The following KCNG3 variants were observed in gnomAD, a reference collection of about 807,000 sequenced individuals.
KCNG3 encodes potassium voltage-gated channel modifier subfamily G member 3.
A neutral mutation model predicts 29.0 loss-of-function variants in KCNG3; 15 were observed. That is an observed-to-expected ratio of 0.52 (90% CI 0.35 to 0.80). The LOEUF (loss-of-function observed/expected upper bound fraction) is 0.80. Ranked by LOEUF, KCNG3 falls within the 30% of genes least tolerant of loss-of-function variation. KCNG3 has a pLI of 0.01. For missense variants in KCNG3, 512 were observed against 605.7 expected (o/e 0.85, Z 1.62); for synonymous variants, 322 against 248.9 (o/e 1.29, Z -2.76).
At chr2:42,402,032 G>C in the KCNG3 span, among the ~76,000 whole-genome samples, 1,022 of 152,324 alleles carry the variant, frequency 6.7e-3, 35 homozygotes, top group East Asian at 0.066. Context: ...GGTGTTTATG[G>C]AGGTATTCGT....
At chr2:42,475,349 A>C in intron 1 of KCNG3, among the ~76,000 whole-genome samples, 1 of 138,570 alleles carries the variant, frequency 7.2e-6, no homozygotes, top group Non-Finnish European at 1.5e-5. Context: ...TTTTTGAGAT[A>C]GAGTCTCGCT....
At chr2:42,460,969 G>C (rs1673000752) in intron 1 of KCNG3, among the ~76,000 whole-genome samples, 1 of 151,978 alleles carries the variant, frequency 6.6e-6, no homozygotes, top group Admixed American at 6.6e-5. Context: ...AGACCACCCT[G>C]GCTAACGTGG....
rs1353656527 is a variant in KCNG3, at chr2:42,444,306, A to C, written c.939T>G (p.Gly313=). ...ARHFIGLQTL[G]LTLKRCYREM... is the part of the protein sequence containing the mutation. ...CTCGGTAGCAACGTTTGAGAGTCAA[A>C]CCGAGTGTCTGAAGACCAATGAAGT... is the stretch of plus-strand genomic sequence containing the variant. Residue 313 remains glycine (G), a synonymous_variant, in exon 2 of 2, where the codon GGT becomes GGG. Transcript: ENST00000306078. This position sits in a 1 kb window ranked among gnomAD's most constrained non-coding sequence, Gnocchi z 5.8. 6.2e-7 allele frequency: 1 copy of C among 1,614,202 alleles called. No homozygotes were observed. Among genetic ancestry groups the C allele is most frequent in the South Asian group, 1.1e-5 (1 of 91,078 alleles).
At chr2:42,485,383 A>T (rs965925435) in intron 1 of KCNG3, among the ~76,000 whole-genome samples, 1 of 152,146 alleles carries the variant, frequency 6.6e-6, no homozygotes, top group African/African-American at 2.4e-5. Flanking sequence ...AAAAAACAAA[A>T]GGGGACACTA....
At chr2:42,405,957 G>C in the KCNG3 span, among the ~76,000 whole-genome samples, 2 of 151,022 alleles carry the variant, frequency 1.3e-5, no homozygotes, top group Non-Finnish European at 3.0e-5. Context: ...TGGCCAGGCT[G>C]GTCTTGAACT....
At chr2:42,398,476 G>A in the KCNG3 span, among the ~76,000 whole-genome samples, 3 of 152,094 alleles carry the variant, frequency 2.0e-5, no homozygotes, top group Non-Finnish European at 4.4e-5. Context: ...TGAGTTTTGA[G>A]ACATACGCAT....
At chr2:42,403,900 G>A in the KCNG3 span, among the ~76,000 whole-genome samples, 6 of 152,146 alleles carry the variant, frequency 3.9e-5, no homozygotes, top group East Asian at 5.8e-4. Context: ...CCTGGCCCTA[G>A]CTGCATTTAT....
At chr2:42,407,015 G>A in the KCNG3 span, among the ~76,000 whole-genome samples, 1 of 151,642 alleles carries the variant, frequency 6.6e-6, no homozygotes, top group Admixed American at 6.6e-5. Flanking sequence ...TCAGAGAGTG[G>A]TCCACTGTTA....
At chr2:42,409,731 T>TAAAAAAAA in the KCNG3 span, among the ~76,000 whole-genome samples, 240 of 77,040 alleles carry the variant, frequency 3.1e-3, 3 homozygotes, top group African/African-American at 9.7e-3. Context: ...AAAAAAAAAT[T>TAAAAAAAA]TTTTTTTAAA....
At position 42,493,170 on chromosome 2, in the gene KCNG3, C is replaced by T. The variant is rs1262834631; in HGVS notation, c.332G>A (p.Cys111Tyr). 1.2e-6 allele frequency: 2 copies of T among 1,608,484 alleles called. No homozygotes were observed. Among genetic ancestry groups the T allele is most frequent in the Non-Finnish European group, 1.7e-6 (2 of 1,179,730 alleles). ...GCGGTCGTCGAGGCGGCGCTGGCAGCAGTACTCGAGGTGCGCGCCCTCCAG... is the reference window on the plus strand; with the variant it reads ...GCGGTCGTCGAGGCGGCGCTGGCAGTAGTACTCGAGGTGCGCGCCCTCCAG... ...WGLEGAHLEYCCQRRLDDRMS... is the reference protein window; with the variant it reads ...WGLEGAHLEYYCQRRLDDRMS... The change falls in exon 1 of 2, where the codon TGC becomes TAC. Residue 111 changes from cysteine to tyrosine, a missense_variant. This residue lies in a region of KCNG3 where 228 missense variants were observed against 200.0 expected (regional missense o/e 1.14). Transcript: ENST00000306078.
the KCNG3 span, among the ~76,000 whole-genome samples, chr2:42,412,136 A>T: frequency 1.2e-4 from 18 of 152,338 alleles, no homozygotes; most frequent in Admixed American, 5.9e-4. Flanking sequence ...TTGTGGTGGC[A>T]GCAGCAGTGA....
chr2:42,397,293 G>A, the KCNG3 span, among the ~76,000 whole-genome samples: 2 of 151,756 alleles, frequency 1.3e-5, no homozygotes, highest in South Asian at 2.1e-4. Flanking sequence ...CTCTAATCAC[G>A]GAAATGGGAT....
chr2:42,483,883 C>G (rs1673651593), intron 1 of KCNG3, among the ~76,000 whole-genome samples: 1 of 152,154 alleles, frequency 6.6e-6, no homozygotes, highest in African/African-American at 2.4e-5. Context: ...CCTCTAACTT[C>G]TAGGTTCAAG....
chr2:42,401,570 T>C, the KCNG3 span, among the ~76,000 whole-genome samples: 137 of 152,140 alleles, frequency 9.0e-4, 1 homozygote, highest in Non-Finnish European at 1.0e-3. Flanking sequence ...GCCTTCTCAG[T>C]AGCTGGGGCC....
chr2:42,415,783 T>C, the KCNG3 span, among the ~76,000 whole-genome samples: 3 of 152,174 alleles, frequency 2.0e-5, no homozygotes, highest in South Asian at 6.2e-4. Flanking sequence ...ATAAAAAATT[T>C]GCAGCAACAT....
At chr2:42,390,801 T>G in the KCNG3 span, among the ~76,000 whole-genome samples, 8 of 152,376 alleles carry the variant, frequency 5.3e-5, no homozygotes, top group East Asian at 1.5e-3. Flanking sequence ...ATTCACAGGC[T>G]GTTATCTTCC....
chr2:42,435,664 G>C, the KCNG3 span, among the ~76,000 whole-genome samples: 4 of 152,100 alleles, frequency 2.6e-5, no homozygotes, highest in Non-Finnish European at 1.5e-5. Flanking sequence ...ATTGTCATTA[G>C]GGAAATGCAA....
At chr2:42,484,459 T>C (rs7578719) in intron 1 of KCNG3, among the ~76,000 whole-genome samples, 42,849 of 152,094 alleles carry the variant, frequency 0.28, 6,780 homozygotes, top group African/African-American at 0.41. Flanking sequence ...AGACTCCGTC[T>C]GAAGAAAAAA....
the KCNG3 span, among the ~76,000 whole-genome samples, chr2:42,391,663 C>T: frequency 4.1e-5 from 5 of 121,436 alleles, no homozygotes; most frequent in East Asian, 2.4e-4. Flanking sequence ...AGTGCAGTGG[C>T]GGGATCTCGG....
Sources: gnomAD v4.1 joint callset for allele counts (sites outside exome capture counted in the v4.1 genomes callset) on GRCh38, gnomAD v4.1.1 for gene constraint, gnomAD v4.1.1 regional missense constraint, Gnocchi (gnomAD v3.1) non-coding constraint, MANE v1.5 for transcripts, NCBI Gene and HGNC (gene_info 2026-07-23, HGNC 2026-07-21) for gene names.